EFCAB7: variants seen among roughly 807,000 people sequenced by gnomAD.
EFCAB7 encodes EF-hand calcium-binding domain-containing protein 7.
A neutral mutation model predicts 77.1 loss-of-function variants in EFCAB7; 66 were observed. That is an observed-to-expected ratio of 0.86 (90% CI 0.70 to 1.05). EFCAB7 has a LOEUF of 1.05. Ranked by LOEUF, EFCAB7 falls within the 50% of genes least tolerant of loss-of-function variation. The probability of loss-of-function intolerance (pLI) is 0.00; values close to 1 mark genes in which losing one functional copy is unlikely to be tolerated. For missense variants in EFCAB7, 638 were observed against 730.5 expected, an observed-to-expected ratio of 0.87 and a Z score of 1.46; for synonymous variants, 225 against 243.3, an observed-to-expected ratio of 0.92 and a Z score of 0.70.
chr1:63,566,924 CAA>C (rs1647179338), intron 11 of EFCAB7, among the ~76,000 whole-genome samples: 1 of 150,040 alleles, frequency 6.7e-6, no homozygotes, highest in South Asian at 2.1e-4. Context: ...TTTTAAAACA[CAA>C]ATTTCTGTTT....
intron 11 of EFCAB7, among the ~76,000 whole-genome samples, chr1:63,564,357 G>A (rs748690499): frequency 6.6e-6 from 1 of 152,096 alleles, no homozygotes; most frequent in Non-Finnish European, 1.5e-5. Context: ...GATGTGATAA[G>A]ATTTTAATTT....
At chr1:63,564,546 C>G (rs1262843809) in intron 11 of EFCAB7, among the ~76,000 whole-genome samples, 2 of 152,042 alleles carry the variant, frequency 1.3e-5, no homozygotes, top group African/African-American at 4.8e-5. Flanking sequence ...AACTACTGCT[C>G]AAAGAAATCA....
chr1:63,555,865 G>A (rs1647024825), intron 9 of EFCAB7, among the ~76,000 whole-genome samples: 1 of 152,084 alleles, frequency 6.6e-6, no homozygotes, highest in South Asian at 2.1e-4. Flanking sequence ...AGCCTCTTGA[G>A]TAGCAGTAGC....
At chr1:63,565,754 TG>T (rs1249291875) in intron 11 of EFCAB7, among the ~76,000 whole-genome samples, 1 of 152,040 alleles carries the variant, frequency 6.6e-6, no homozygotes, top group Non-Finnish European at 1.5e-5. Flanking sequence ...AACAATCATA[TG>T]AAAAAAAGTT....
chr1:63,529,426 A>C (rs1376805376), intron 2 of EFCAB7, among the ~76,000 whole-genome samples: 2 of 152,102 alleles, frequency 1.3e-5, no homozygotes, highest in African/African-American at 4.8e-5. Flanking sequence ...AGATTATAAA[A>C]TTTCTTGCCA....
intron 9 of EFCAB7, among the ~76,000 whole-genome samples, chr1:63,556,181 G>C (rs1647028122): frequency 6.6e-6 from 1 of 152,082 alleles, no homozygotes. Context: ...AAGTTCAGGA[G>C]ATCTGTTGAC....
chr1:63,561,821 C>A lies in EFCAB7; in HGVS notation c.1461C>A (p.His487Gln), dbSNP rs778487290. ...GDPCDLWVTL[H>Q]SMGYNKALEL... Reference sequence around the variant, plus strand: ...CTTGTGACCTTTGGGTAACTCTACACTCTATGGGCTACAATAAAGCTCTGG... The same window carrying A: ...CTTGTGACCTTTGGGTAACTCTACAATCTATGGGCTACAATAAAGCTCTGG... Residue 487 changes from histidine to glutamine, a missense_variant, in exon 11 of 14, where the codon CAC (histidine) becomes CAA (glutamine). Coordinates refer to ENST00000371088, the MANE Select transcript of EFCAB7 (RefSeq NM_032437.4). 7 of 1,598,854 alleles carry A rather than the reference C, an allele frequency of 4.4e-6. No homozygotes were observed. The South Asian group carries it at 7.9e-5, about 18-fold the overall frequency.
Position 63,534,250 on chromosome 1 carries a change from T to C in EFCAB7, c.804+34T>C, listed in dbSNP as rs371596905. The C allele has an allele frequency of 3.2e-6, 5 of 1,586,414 alleles. No individual in the cohort carries two copies. In the African/African-American group the frequency reaches 6.8e-5, roughly 22 times the overall value. On this transcript the variant is annotated intron_variant, in intron 6 of 13. Coordinates refer to ENST00000371088, the MANE Select transcript of EFCAB7 (RefSeq NM_032437.4). Reference sequence around the variant, plus strand: ...TTTTAAGTTAACAGATGACTTTTTCTGAAAAAAATTTGACATTAAGTTTAT... The same window carrying C: ...TTTTAAGTTAACAGATGACTTTTTCCGAAAAAAATTTGACATTAAGTTTAT...
intron 9 of EFCAB7, among the ~76,000 whole-genome samples, chr1:63,556,771 C>T (rs573173257): frequency 1.0e-3 from 154 of 151,716 alleles, no homozygotes; most frequent in African/African-American, 3.3e-3. Flanking sequence ...GCCTGTAATC[C>T]CAGCACTTTG....
At chr1:63,575,631 G>A (rs1271137519), downstream of EFCAB7, among the ~76,000 whole-genome samples, 6 of 152,034 alleles carry the variant, frequency 3.9e-5, no homozygotes, top group African/African-American at 1.5e-4. Flanking sequence ...TGTCACTCAG[G>A]CTGGACTGCA....
intron 10 of EFCAB7, among the ~76,000 whole-genome samples, chr1:63,559,958 T>C (rs1647075699): frequency 1.0e-5 from 1 of 98,412 alleles, no homozygotes; most frequent in African/African-American, 6.2e-5. Context: ...CAAGTGTTAA[T>C]AATTTTTTTT....
At chr1:63,584,086 A>G in the EFCAB7 span, among the ~76,000 whole-genome samples, 3 of 152,330 alleles carry the variant, frequency 2.0e-5, 1 homozygote, top group East Asian at 5.8e-4. Context: ...AAGAAGACAT[A>G]GAAGAAGCAG....
At chr1:63,581,481 A>G in the EFCAB7 span, among the ~76,000 whole-genome samples, 7 of 149,682 alleles carry the variant, frequency 4.7e-5, no homozygotes, top group African/African-American at 1.7e-4. Context: ...TTTCTTCTTT[A>G]GACTGTTAAT....
chr1:63,534,026 TGTG>T, intron 5 of EFCAB7, 66 bp from the exon 6 acceptor site: 1 of 1,565,318 alleles, frequency 6.4e-7, no homozygotes, highest in Admixed American at 1.7e-5. Context: ...TATACTGCAC[TGTG>T]TTTGGAAAAA....
In EFCAB7 at chr1:63,545,961, G is replaced by A; in HGVS notation, c.850G>A (p.Asp284Asn). 3 of 1,613,866 alleles carry A rather than the reference G, an allele frequency of 1.9e-6. No homozygotes were observed. Among genetic ancestry groups the A allele is most frequent in the Non-Finnish European group, 2.5e-6 (3 of 1,179,886 alleles). Residue 284 changes from aspartate to asparagine, a missense_variant, in exon 7 of 14, where the codon GAT (aspartate) becomes AAT (asparagine). Physicochemically the swap from Asp to Asn is conservative, Grantham distance 23. Coordinates refer to ENST00000371088, the MANE Select transcript of EFCAB7 (RefSeq NM_032437.4). ...AAAAGGTTGCTTCTTCTTAGAAGAA[G>A]ATGGTGAAATCATTAGTCATCAGTA... Reference protein sequence around the residue: ...QSKGCFFLEEDGEIISHQYRM... With the variant: ...QSKGCFFLEENGEIISHQYRM...
At chr1:63,546,493 G>T (rs1264872547) in intron 7 of EFCAB7, among the ~76,000 whole-genome samples, 1 of 151,982 alleles carries the variant, frequency 6.6e-6, no homozygotes, top group African/African-American at 2.4e-5. Flanking sequence ...GCCTCCCCGA[G>T]TAGCTGGGAC....
At chr1:63,537,105 G>A (rs982876463) in intron 6 of EFCAB7, among the ~76,000 whole-genome samples, 1 of 152,088 alleles carries the variant, frequency 6.6e-6, no homozygotes, top group African/African-American at 2.4e-5. Context: ...GGTACTATAC[G>A]CATATTACTT....
intron 7 of EFCAB7, chr1:63,549,302 T>C: frequency 6.4e-6 from 3 of 468,204 alleles, no homozygotes; most frequent in South Asian, 4.7e-5. Flanking sequence ...CTTTCTTACC[T>C]ATTTGATGAA....
intron 7 of EFCAB7, chr1:63,550,428 A>G (rs1646951170): frequency 6.6e-6 from 1 of 152,198 alleles, no homozygotes; most frequent in African/African-American, 2.4e-5. Context: ...TTAGTCAAAA[A>G]TACCATTTTA....
Sources: gnomAD v4.1 joint callset for allele counts (sites outside exome capture counted in the v4.1 genomes callset) on GRCh38, gnomAD v4.1.1 for gene constraint, MANE v1.5 for transcripts, NCBI Gene and HGNC (gene_info 2026-07-23, HGNC 2026-07-21) for gene names.